The following PAPPA2 variants were observed in gnomAD, a reference collection of about 807,000 sequenced individuals.
PAPPA2 encodes the protein pappalysin 2.
Under a neutral mutation model 176.4 loss-of-function variants are expected in PAPPA2, and 86 were observed. That is an observed-to-expected ratio of 0.49 (90% CI 0.41 to 0.58). The LOEUF (loss-of-function observed/expected upper bound fraction) is 0.58. Ranked by LOEUF, PAPPA2 falls within the 20% of genes least tolerant of loss-of-function variation. PAPPA2 has a pLI of 0.00. For synonymous variants in PAPPA2, 809 were observed against 852.2 expected (o/e 0.95, Z 0.88); for missense variants, 2,073 against 2,256.9 (o/e 0.92, Z 1.65).
chr1:176,769,633 T>G lies in PAPPA2; in HGVS notation c.4350T>G (p.Ser1450=). Residue 1450 remains serine (S), a synonymous_variant, in exon 16 of 23, where the codon TCT becomes TCG. Coordinates refer to ENST00000367662, the MANE Select transcript of PAPPA2 (RefSeq NM_020318.3). The part of the protein sequence containing the change: ...MQKEILLTCS[S]GHWDQNVSCL... ...AGGAAATTCTGCTCACATGTTCTTCTGGGCACTGGGACCAGAATGTGAGCT... is the reference window on the plus strand; with the variant it reads ...AGGAAATTCTGCTCACATGTTCTTCGGGGCACTGGGACCAGAATGTGAGCT... 6.2e-7 allele frequency: 1 copy of G among 1,613,412 alleles called. No individual in the cohort carries two copies. The highest frequency in any genetic ancestry group is 1.1e-5 in the South Asian group (1 of 90,892).
rs1667592860 is a variant in PAPPA2 at position 176,844,473 on chromosome 1, G to A, written c.*2019G>A. ...GTGGAATGAGGGTTGCAAAGTTATT[G>A]GGAAAAGGAAAGAGCAGAGTTCACC... On this transcript the variant is annotated 3_prime_UTR_variant, in exon 23 of 23. Transcript: ENST00000367662. The A allele has an allele frequency of 6.6e-6, 1 of 152,032 alleles. No individual in the cohort carries two copies. The highest frequency in any genetic ancestry group is 2.4e-5 in the African/African-American group (1 of 41,360). 9.4% of individuals were successfully genotyped at this position (152,032 alleles called of 1,614,324 possible).
intron 1 of PAPPA2, among the ~76,000 whole-genome samples, chr1:176,531,359 C>G (rs1258382165): frequency 6.6e-6 from 1 of 152,164 alleles, no homozygotes; most frequent in Non-Finnish European, 1.5e-5. Context: ...AGGCTGGGAT[C>G]TGAGAAAAGG....
chr1:176,681,813 G>C (rs1177466762), intron 4 of PAPPA2, among the ~76,000 whole-genome samples: 2 of 152,298 alleles, frequency 1.3e-5, no homozygotes, highest in Middle Eastern at 6.8e-3. Context: ...GTAAGAAGCA[G>C]AGGGAGCTTC....
intron 4 of PAPPA2, among the ~76,000 whole-genome samples, chr1:176,679,993 C>T (rs533093394): frequency 6.6e-6 from 1 of 152,054 alleles, no homozygotes; most frequent in Non-Finnish European, 1.5e-5. Context: ...TTATGTGGCC[C>T]CTAGAGCTTT....
intron 1 of PAPPA2, among the ~76,000 whole-genome samples, chr1:176,496,949 C>G (rs1318405303): frequency 1.3e-5 from 2 of 152,072 alleles, no homozygotes; most frequent in Non-Finnish European, 2.9e-5. Flanking sequence ...CATCCCAAAG[C>G]ATGGCATAGG....
At chr1:176,469,807 A>C (rs1277903534) in intron 1 of PAPPA2, among the ~76,000 whole-genome samples, 2 of 152,140 alleles carry the variant, frequency 1.3e-5, no homozygotes, top group Non-Finnish European at 2.9e-5. Flanking sequence ...TGCGTCAGAC[A>C]CTTCACCACA....
intron 2 of PAPPA2, among the ~76,000 whole-genome samples, chr1:176,585,248 G>A (rs1261715103): frequency 6.6e-6 from 1 of 151,774 alleles, no homozygotes; most frequent in African/African-American, 2.4e-5. Flanking sequence ...GAATAGCTTT[G>A]CTGGGTATAG....
chr1:176,644,523 G>A (rs1482619548), intron 3 of PAPPA2, among the ~76,000 whole-genome samples: 2 of 151,714 alleles, frequency 1.3e-5, no homozygotes, highest in Admixed American at 6.6e-5. Flanking sequence ...ATATGACAAT[G>A]GAATTTATTT....
intron 2 of PAPPA2, among the ~76,000 whole-genome samples, chr1:176,560,960 A>G (rs551020406): frequency 6.6e-6 from 1 of 152,340 alleles, no homozygotes; most frequent in East Asian, 1.9e-4. Context: ...AGTGCCTTCC[A>G]TGCAAAGCAC....
At chr1:176,757,505 C>G (rs1663484903) in intron 14 of PAPPA2, among the ~76,000 whole-genome samples, 2 of 152,194 alleles carry the variant, frequency 1.3e-5, no homozygotes, top group Admixed American at 1.3e-4. Flanking sequence ...TAAATGTCTT[C>G]TTTTGAGAGG....
intron 4 of PAPPA2, among the ~76,000 whole-genome samples, chr1:176,673,761 G>A (rs1004050011): frequency 6.6e-6 from 1 of 152,140 alleles, no homozygotes; most frequent in Non-Finnish European, 1.5e-5. Context: ...ACAAGGACAT[G>A]AGGAGTCCAA....
At chr1:176,487,775 G>A (rs1410413171) in intron 1 of PAPPA2, among the ~76,000 whole-genome samples, 1 of 152,144 alleles carries the variant, frequency 6.6e-6, no homozygotes, top group Admixed American at 6.5e-5. Context: ...AGTCAAGTAG[G>A]GGTCAGATAT....
chr1:176,722,338 A>G (rs1234900724), intron 12 of PAPPA2, among the ~76,000 whole-genome samples: 1 of 149,940 alleles, frequency 6.7e-6, no homozygotes, highest in Non-Finnish European at 1.5e-5. Flanking sequence ...TTTTTTGGAC[A>G]TTTGGTAAGA....
intron 1 of PAPPA2, among the ~76,000 whole-genome samples, chr1:176,495,940 G>T (rs979815665): frequency 1.3e-5 from 2 of 152,002 alleles, no homozygotes; most frequent in African/African-American, 4.8e-5. Context: ...GCTCTGCAGT[G>T]AATTTGTAGG....
At chr1:176,782,962 A>G (rs1224623281) in intron 17 of PAPPA2, among the ~76,000 whole-genome samples, 2 of 152,118 alleles carry the variant, frequency 1.3e-5, no homozygotes, top group Admixed American at 1.3e-4. Flanking sequence ...GGACTTGTTG[A>G]TGGGTTAGAA....
intron 12 of PAPPA2, among the ~76,000 whole-genome samples, chr1:176,735,180 T>A (rs924253063): frequency 6.6e-6 from 1 of 152,056 alleles, no homozygotes; most frequent in African/African-American, 2.4e-5. Context: ...AAAATCACAA[T>A]GAGCGCAGTG....
At chr1:176,801,533 G>C (rs955440427) in intron 21 of PAPPA2, among the ~76,000 whole-genome samples, 5 of 152,226 alleles carry the variant, frequency 3.3e-5, no homozygotes, top group African/African-American at 4.8e-5. Context: ...GCTTTGTTAT[G>C]GTGTGGGCCA....
intron 17 of PAPPA2, among the ~76,000 whole-genome samples, chr1:176,781,365 CTTTTTTTTTTTTTTTTTTTTT>C (rs35029858): frequency 1.5e-4 from 7 of 46,228 alleles, no homozygotes; most frequent in Non-Finnish European, 2.2e-4. Flanking sequence ...TTGTAAGGGG[CTTTTTTTTTTTTTTTTTTTTT>C]TTTTTTTTTT....
chr1:176,517,233 T>G (rs1453999363), intron 1 of PAPPA2, among the ~76,000 whole-genome samples: 1 of 152,146 alleles, frequency 6.6e-6, no homozygotes, highest in Non-Finnish European at 1.5e-5. Flanking sequence ...ATTAATTGGG[T>G]CTTGATCAAT....
Sources: allele counts gnomAD v4.1 joint callset (sites outside exome capture counted in the v4.1 genomes callset), GRCh38; gene constraint gnomAD v4.1.1; transcripts MANE v1.5; gene names NCBI Gene and HGNC (gene_info 2026-07-23, HGNC 2026-07-21).